The following XPO1 variants were observed in gnomAD, a reference collection of about 807,000 sequenced individuals.
XPO1 encodes the protein exportin-1.
A neutral mutation model predicts 133.3 loss-of-function variants in XPO1; 5 were observed. The observed-to-expected ratio is 0.04, with a 90% CI of 0.02 to 0.08. The LOEUF (loss-of-function observed/expected upper bound fraction) is 0.08, where lower values mean the gene tolerates loss of function less well. Among genes scored for constraint, XPO1 ranks in the 10% least tolerant of loss-of-function variants. XPO1 has a pLI of 1.00. For synonymous variants in XPO1, 419 were observed against 408.2 expected, an observed-to-expected ratio of 1.03 and a Z score of -0.32; for missense variants, 506 against 1,267.5, an observed-to-expected ratio of 0.40 and a Z score of 9.12.
chr2:61,495,859 G>A (rs1697217505), intron 10 of XPO1, among the ~76,000 whole-genome samples: 1 of 151,864 alleles, frequency 6.6e-6, no homozygotes, highest in Admixed American at 6.6e-5. Context: ...TTGTAGAGAC[G>A]GTATCTTGTT....
chr2:61,525,587 T>TA, intron 3 of XPO1: 1 of 1,017,238 alleles, frequency 9.8e-7, no homozygotes, highest in African/African-American at 1.7e-5. Flanking sequence ...TAAACATTAG[T>TA]AATGTCTGTC....
chr2:61,520,266 A>C (rs1698625478), intron 4 of XPO1, among the ~76,000 whole-genome samples: 1 of 152,222 alleles, frequency 6.6e-6, no homozygotes, highest in Admixed American at 6.5e-5. Flanking sequence ...TTACTTAAAG[A>C]TGAAGGAAAA....
intron 4 of XPO1, among the ~76,000 whole-genome samples, chr2:61,522,112 C>T (rs1698724945): frequency 6.6e-6 from 1 of 151,812 alleles, no homozygotes; most frequent in Non-Finnish European, 1.5e-5. Flanking sequence ...TCTTGTCACC[C>T]AGGCTGAAGT....
chr2:61,534,015 T>A (rs1699264657), intron 1 of XPO1, 112 bp from the exon 2 acceptor site: 1 of 1,069,854 alleles, frequency 9.3e-7, no homozygotes, highest in Non-Finnish European at 1.2e-6. Flanking sequence ...TAATGAATAC[T>A]TTAGAGACTT....
chr2:61,537,176 A>T (rs1699390282), intron 1 of XPO1: 1 of 151,702 alleles, frequency 6.6e-6, no homozygotes, highest in Non-Finnish European at 1.5e-5. Flanking sequence ...TATTTCTGGA[A>T]ACTTCCACTC....
chr2:61,501,721 C>CAAAAAAAAAAAAAAAAAAAAAA (rs34659499), intron 6 of XPO1, among the ~76,000 whole-genome samples: 1 of 111,438 alleles, frequency 9.0e-6, no homozygotes, highest in African/African-American at 3.4e-5. Context: ...AGACTGTCTC[C>CAAAAAAAAAAAAAAAAAAAAAA]AAAAAAAAAA....
intron 3 of XPO1, chr2:61,525,245 G>T (rs1267773715): frequency 1.0e-6 from 1 of 984,952 alleles, no homozygotes; most frequent in East Asian, 1.1e-4. Context: ...ACAGAATTCA[G>T]TTAAAGGGAA....
rs1259260953 is a variant in XPO1, at chr2:61,511,916, G to A, written c.302-9606C>T. On this transcript the variant is annotated intron_variant, in intron 4 of 24. Coordinates refer to ENST00000401558, the MANE Select transcript of XPO1 (RefSeq NM_003400.4). ...TGGGATTCTGGGATTACAGGCACACGCCACCATGCCCGGCTAATTTTTTTT... is the reference window on the plus strand; with the variant it reads ...TGGGATTCTGGGATTACAGGCACACACCACCATGCCCGGCTAATTTTTTTT... Among the ~76,000 whole-genome samples, 9 of 152,008 alleles carry A rather than the reference G, an allele frequency of 5.9e-5. No individual in the cohort carries two copies. The East Asian group carries it at 1.4e-3, about 23-fold the overall frequency.
chr2:61,526,863 A>G (rs1362037710), intron 2 of XPO1, among the ~76,000 whole-genome samples: 1 of 152,100 alleles, frequency 6.6e-6, no homozygotes, highest in African/African-American at 2.4e-5. Flanking sequence ...AGGTGCCACC[A>G]CAGCCAGCTA....
At chr2:61,525,126 G>T (rs1211536774) in intron 3 of XPO1, 2 of 276,252 alleles carry the variant, frequency 7.2e-6, no homozygotes, top group Non-Finnish European at 1.1e-5. Flanking sequence ...ATAAATGCAT[G>T]AAATGATCCC....
chr2:61,526,662 G>T (rs1467503374), intron 2 of XPO1, 141 bp from the exon 3 acceptor site: 4 of 578,784 alleles, frequency 6.9e-6, no homozygotes, highest in Non-Finnish European at 1.1e-5. Flanking sequence ...TCAAAAATTA[G>T]ACCTTACAGA....
rs752293242 is a variant in XPO1 at position 61,526,400 on chromosome 2, T to C, written c.228+20A>G. On this transcript the variant is annotated intron_variant, in intron 3 of 24. Coordinates refer to ENST00000401558, the MANE Select transcript of XPO1 (RefSeq NM_003400.4). ...CTGGAAGAAAAGAAATAACAGATTT[T>C]AAAACCACCACTTGCTTACTTTCGT... 15 of 1,598,782 alleles carry C rather than the reference T, an allele frequency of 9.4e-6. No homozygotes were observed. Among genetic ancestry groups the C allele is most frequent in the Non-Finnish European group, 1.3e-5 (15 of 1,175,940 alleles).
intron 4 of XPO1, among the ~76,000 whole-genome samples, chr2:61,510,202 G>A (rs557456989): frequency 5.9e-5 from 9 of 152,172 alleles, no homozygotes; most frequent in South Asian, 2.1e-4. Flanking sequence ...GCTTCAACCC[G>A]GAAGGCAGAG....
chr2:61,528,394 G>C (rs1350138844), intron 2 of XPO1, among the ~76,000 whole-genome samples: 1 of 151,922 alleles, frequency 6.6e-6, no homozygotes, highest in African/African-American at 2.4e-5. Flanking sequence ...TGGCACTATG[G>C]GAGGCCGAGG....
At chr2:61,519,781 C>A (rs1452300815) in intron 4 of XPO1, among the ~76,000 whole-genome samples, 1 of 148,582 alleles carries the variant, frequency 6.7e-6, no homozygotes, top group Non-Finnish European at 1.5e-5. Context: ...AAAACAAATT[C>A]TACATCAGAA....
chr2:61,486,496 GC>G (rs1696702168), intron 19 of XPO1, among the ~76,000 whole-genome samples: 2 of 151,922 alleles, frequency 1.3e-5, no homozygotes, highest in Admixed American at 1.3e-4. Flanking sequence ...TTGCTCTGTC[GC>G]CCAGGCTGGA....
At chr2:61,505,778 G>C (rs574106311) in intron 4 of XPO1, among the ~76,000 whole-genome samples, 1 of 151,906 alleles carries the variant, frequency 6.6e-6, no homozygotes, top group African/African-American at 2.4e-5. Context: ...AGGCCATCTC[G>C]AACTCCTGAC....
chr2:61,526,676 A>C (rs1050387794), intron 2 of XPO1, among the ~76,000 whole-genome samples, 155 bp from the exon 3 acceptor site: 1 of 151,884 alleles, frequency 6.6e-6, no homozygotes, highest in Non-Finnish European at 1.5e-5. Flanking sequence ...TTACAGAAAT[A>C]GAAATAAAAT....
intron 1 of XPO1, chr2:61,534,330 C>G (rs1314959791): frequency 6.5e-6 from 1 of 152,770 alleles, no homozygotes; most frequent in Non-Finnish European, 1.5e-5. Flanking sequence ...GTAGGGTCTT[C>G]TGAATAACTC....
Sources: allele counts gnomAD v4.1 joint callset (sites outside exome capture counted in the v4.1 genomes callset), GRCh38; gene constraint gnomAD v4.1.1; transcripts MANE v1.5; gene names NCBI Gene and HGNC (gene_info 2026-07-23, HGNC 2026-07-21).